Variants in SIRT2 observed in about 807,000 individuals in gnomAD.
The protein encoded by SIRT2 is sirtuin 2.
A neutral mutation model predicts 57.4 loss-of-function variants in SIRT2; 40 were observed. That is an observed-to-expected ratio of 0.70 (90% confidence interval 0.54 to 0.91). The LOEUF (loss-of-function observed/expected upper bound fraction) is 0.91, where lower values mean the gene tolerates loss of function less well. Ranked by LOEUF, SIRT2 falls within the 40% of genes least tolerant of loss-of-function variation. The pLI, the probability that SIRT2 is intolerant of heterozygous loss-of-function variation, is 0.00. For synonymous variants in SIRT2, 161 were observed against 195.7 expected (o/e 0.82, Z 1.48); for missense variants, 439 against 510.4 (o/e 0.86, Z 1.35).
At chr19:38,894,869 C>G (rs1003140230) in intron 2 of SIRT2, 1 of 456,088 alleles carries the variant, frequency 2.2e-6, no homozygotes, top group African/African-American at 2.0e-5. Context: ...TGCCTCGTCA[C>G]TCATGATACC....
rs1208299390 is a variant in SIRT2, at chr19:38,897,563, C to A, written c.63+816G>T. Reference sequence around the variant, plus strand: ...TTTGAGACCGTGTTTTGCTCTGTCGCCCCGGTTGGGGTGCAGTGGCACAGT... The same window carrying A: ...TTTGAGACCGTGTTTTGCTCTGTCGACCCGGTTGGGGTGCAGTGGCACAGT... On this transcript the variant is annotated intron_variant, in intron 2 of 15. Coordinates refer to ENST00000249396, the MANE Select transcript of SIRT2 (RefSeq NM_012237.4). Among the ~76,000 whole-genome samples, 5 of 152,138 alleles carry A rather than the reference C, an allele frequency of 3.3e-5. No homozygotes were observed. In the East Asian group the frequency reaches 7.7e-4, roughly 23 times the overall value.
chr19:38,890,165 C>T, intron 4 of SIRT2, 21 bp from the exon 5 acceptor site: 1 of 1,613,878 alleles, frequency 6.2e-7, no homozygotes, highest in Non-Finnish European at 8.5e-7. Flanking sequence ...GGAACTTATG[C>T]ACCATATGAC....
chr19:38,881,155 T>A lies in SIRT2; in HGVS notation c.692A>T (p.Asp231Val), dbSNP rs749545779. The change falls in exon 11 of 16, where the codon GAT (aspartate) becomes GTT (valine). Residue 231 changes from aspartate to valine, a missense_variant and splice_region_variant. By Grantham distance (152) the Asp-to-Val change is radical. Coordinates refer to ENST00000249396, the MANE Select transcript of SIRT2 (RefSeq NM_012237.4). The stretch of plus-strand genomic sequence containing the variant: ...GAGGCTCTCACCAAAAAAGACGATA[T>A]CTGAGGTGGAGACAGATGGACGGAC... ...CEDCQSLVKPDIVFFGESLPA... is the reference protein window; with the variant it reads ...CEDCQSLVKPVIVFFGESLPA... The A allele has an allele frequency of 2.5e-6, 4 of 1,612,328 alleles. No homozygotes were observed. Among genetic ancestry groups the A allele is most frequent in the Non-Finnish European group, 3.4e-6 (4 of 1,179,410 alleles).
intron 4 of SIRT2, chr19:38,891,716 T>G: frequency 2.7e-6 from 1 of 369,544 alleles, no homozygotes; most frequent in South Asian, 2.0e-5. Context: ...ATTATAGGCC[T>G]GAACCACCAC....
At chr19:38,883,011 C>T (rs1420208574) in intron 9 of SIRT2, among the ~76,000 whole-genome samples, 1 of 150,528 alleles carries the variant, frequency 6.6e-6, no homozygotes, top group Non-Finnish European at 1.5e-5. Context: ...ACACCAGAGG[C>T]TTTGTTAAAT....
intron 2 of SIRT2, chr19:38,894,742 G>A: frequency 2.2e-6 from 1 of 453,000 alleles, no homozygotes; most frequent in South Asian, 1.6e-5. Flanking sequence ...CTCCTTCCTC[G>A]AAGCCTCCCC....
At chr19:38,882,130 C>A (rs546544678) in intron 9 of SIRT2, among the ~76,000 whole-genome samples, 1 of 152,176 alleles carries the variant, frequency 6.6e-6, no homozygotes, top group East Asian at 1.9e-4. Flanking sequence ...GATCCTCCTG[C>A]CTTAGCCTCC....
chr19:38,898,008 G>GA (rs1973780962), intron 2 of SIRT2, among the ~76,000 whole-genome samples: 1 of 152,216 alleles, frequency 6.6e-6, no homozygotes, highest in South Asian at 2.1e-4. Context: ...CTGGCCCCCT[G>GA]AGTTACTTTC....
At chr19:38,879,781 G>A in intron 13 of SIRT2, 79 bp from the exon 14 acceptor site, 1 of 1,055,490 alleles carries the variant, frequency 9.5e-7, no homozygotes, top group Non-Finnish European at 1.4e-6. Context: ...CAGGTGGCCT[G>A]GGTTTGTATC....
chr19:38,880,746 G>C lies in SIRT2; in HGVS notation c.825-10C>G, dbSNP rs755776672. Reference sequence around the variant, plus strand: ...GGTGGAGAGGGGTGCCCTGTGGGGAGGGGGAGCTAAGGGGTCAGGGTCTGT... The same window carrying C: ...GGTGGAGAGGGGTGCCCTGTGGGGACGGGGAGCTAAGGGGTCAGGGTCTGT... On this transcript the variant is annotated splice_polypyrimidine_tract_variant and intron_variant, in intron 12 of 15. Coordinates refer to ENST00000249396, the MANE Select transcript of SIRT2 (RefSeq NM_012237.4). This position sits in a 1 kb window ranked among gnomAD's most constrained non-coding sequence, Gnocchi z 4.1. The C allele has an allele frequency of 1.2e-6, 2 of 1,608,634 alleles. No individual in the cohort carries two copies. Among genetic ancestry groups the C allele is most frequent in the Non-Finnish European group, 1.7e-6 (2 of 1,175,900 alleles).
At chr19:38,890,247 T>C in intron 4 of SIRT2, 103 bp from the exon 5 acceptor site, 1 of 1,184,416 alleles carries the variant, frequency 8.4e-7, no homozygotes. Context: ...TGCCAGGCCC[T>C]GGGGCAAGCA....
Position 38,889,892 on chromosome 19 carries a change from G to A in SIRT2, c.338C>T (p.Pro113Leu), listed in dbSNP as rs780421129. 1.2e-6 allele frequency: 2 copies of A among 1,614,148 alleles called. No individual in the cohort carries two copies. The highest frequency in any genetic ancestry group is 2.2e-5 in the East Asian group (1 of 44,878). ...GATCTCAAAGATGGCCTCTGGGTAG[G>A]GAAGATGGTACTTCTCTAGGTTGTC... ...LYDNLEKYHL[P>L]YPEAIFEISY... The change falls in exon 6 of 16, where the codon CCC becomes CTC. Residue 113 changes from proline to leucine, a missense_variant. Coordinates refer to ENST00000249396, the MANE Select transcript of SIRT2 (RefSeq NM_012237.4).
rs976338669 is a variant in SIRT2 at position 38,894,706 on chromosome 19, C to T, written c.64-839G>A. The T allele has an allele frequency of 1.2e-4, 54 of 439,262 alleles. 1 individual carries two copies. Among genetic ancestry groups the T allele is most frequent in the Admixed American group, 1.1e-3 (44 of 41,488 alleles). 27.2% of individuals were successfully genotyped at this position (439,262 alleles called of 1,614,324 possible). On this transcript the variant is annotated intron_variant, in intron 2 of 15. Coordinates refer to ENST00000249396, the MANE Select transcript of SIRT2 (RefSeq NM_012237.4). The stretch of plus-strand genomic sequence containing the variant: ...CCCCCTGCTCGAGGCCTCAGACACT[C>T]TGCCCACCTCTCCAGCAACCTCTGT...
intron 7 of SIRT2, 138 bp from the exon 8 acceptor site, chr19:38,889,293 C>A (rs1274020708): frequency 1.3e-6 from 1 of 762,600 alleles, no homozygotes; most frequent in East Asian, 2.7e-5. Context: ...GGGGAGAGAC[C>A]ACTGCTATCC....
At position 38,878,995 on chromosome 19, in the gene SIRT2, G is replaced by T. The variant is rs45592833; in HGVS notation, c.*160C>A. On this transcript the variant is annotated 3_prime_UTR_variant, in exon 16 of 16. Transcript: ENST00000249396. ...TGTTAGAGATTTGCTGGGGTTGGGG[G>T]CCAGGGTTGCTGGGACCCCAGTTTT... is the stretch of plus-strand genomic sequence containing the variant. 0.015 allele frequency: 10,087 copies of T among 675,324 alleles called. 451 individuals carry two copies. Among genetic ancestry groups the T allele is most frequent in the African/African-American group, 0.13 (6,887 of 54,042 alleles). 41.8% of individuals were successfully genotyped at this position (675,324 alleles called of 1,614,324 possible). A position where few individuals can be genotyped will look rare whatever the true frequency, so the allele number is the denominator to read the frequency against.
intron 8 of SIRT2, among the ~76,000 whole-genome samples, chr19:38,887,967 G>T (rs979272968): frequency 6.6e-6 from 1 of 152,022 alleles, no homozygotes; most frequent in African/African-American, 2.4e-5. Context: ...TGTTGGACAG[G>T]CTGGTCTTGA....
At chr19:38,898,470 AG>A in intron 1 of SIRT2, 45 bp from the exon 2 acceptor site, 4 of 1,338,910 alleles carry the variant, frequency 3.0e-6, no homozygotes, top group East Asian at 2.5e-5. Flanking sequence ...AGAACGATTA[AG>A]GGGGGAATAA....
intron 10 of SIRT2, 51 bp from the exon 11 acceptor site, chr19:38,881,206 G>C (rs371960939): frequency 1.0e-5 from 16 of 1,574,338 alleles, no homozygotes; most frequent in Non-Finnish European, 1.4e-5. Flanking sequence ...GGGAGGCAGA[G>C]AGGACAGGTG....
chr19:38,883,683 G>A lies in SIRT2; in HGVS notation c.575C>T (p.Thr192Ile). The A allele has an allele frequency of 6.2e-7, 1 of 1,614,170 alleles. No homozygotes were observed. Among genetic ancestry groups the A allele is most frequent in the Admixed American group, 1.7e-5 (1 of 60,022 alleles). Reference protein sequence around the residue: ...DLVEAHGTFYTSHCVSASCRH... With the variant: ...DLVEAHGTFYISHCVSASCRH... The stretch of plus-strand genomic sequence containing the variant: ...GCAGCTGGCGCTGACGCAGTGTGAT[G>A]TGTAGAAGGTGCCGTGCGCCTCCAC... Residue 192 changes from threonine (T) to isoleucine (I), a missense_variant, in exon 9 of 16, where the codon ACA becomes ATA. Thr to Ile is a moderately conservative substitution (Grantham distance 89). Coordinates refer to ENST00000249396, the MANE Select transcript of SIRT2 (RefSeq NM_012237.4).
Sources: allele counts gnomAD v4.1 joint callset (sites outside exome capture counted in the v4.1 genomes callset), GRCh38; gene constraint gnomAD v4.1.1; non-coding constraint Gnocchi (gnomAD v3.1); transcripts MANE v1.5; gene names NCBI Gene and HGNC (gene_info 2026-07-23, HGNC 2026-07-21).